Variants in RBFOX1 observed in about 807,000 individuals in gnomAD.
RBFOX1 encodes RNA binding fox-1 homolog 1.
In RBFOX1, 8 loss-of-function variants were observed where a neutral mutation model predicts 57.7. The observed-to-expected ratio is 0.14, with a 90% CI of 0.08 to 0.25. The LOEUF is 0.25. RBFOX1 is among the 10% of genes least tolerant of loss of function. RBFOX1 has a pLI of 1.00. For missense variants in RBFOX1, 611 were observed against 548.5 expected, an observed-to-expected ratio of 1.11 and a Z score of -1.14; for synonymous variants, 326 against 222.4, an observed-to-expected ratio of 1.47 and a Z score of -4.15.
At chr16:7,559,755 C>A (rs2089856081) in intron 5 of RBFOX1, among the ~76,000 whole-genome samples, 1 of 152,226 alleles carries the variant, frequency 6.6e-6, no homozygotes, top group South Asian at 2.1e-4. Flanking sequence ...TTCATCTACC[C>A]TCCTTAGTCT....
intron 4 of RBFOX1, among the ~76,000 whole-genome samples, chr16:7,118,199 C>G (rs953182378): frequency 2.0e-5 from 3 of 152,120 alleles, no homozygotes; most frequent in Admixed American, 1.3e-4. Context: ...AATTTACATT[C>G]CCACCAGCAG....
At chr16:6,813,250 T>C (rs1161406101) in intron 3 of RBFOX1, among the ~76,000 whole-genome samples, 1 of 152,182 alleles carries the variant, frequency 6.6e-6, no homozygotes, top group South Asian at 2.1e-4. Flanking sequence ...GTTCCCCAGA[T>C]AGTATTCCAG....
intron 1 of RBFOX1, among the ~76,000 whole-genome samples, chr16:5,311,475 T>A (rs2064087924): frequency 6.6e-6 from 1 of 152,210 alleles, no homozygotes; most frequent in African/African-American, 2.4e-5. Flanking sequence ...GATATCTCCA[T>A]ACTGTTTTCC....
At chr16:7,513,981 C>T (rs750237166) in intron 4 of RBFOX1, among the ~76,000 whole-genome samples, 3 of 152,166 alleles carry the variant, frequency 2.0e-5, no homozygotes, top group African/African-American at 7.2e-5. Flanking sequence ...AGTATACAGG[C>T]CCTTTCTCTC....
Position 5,425,881 on chromosome 16 carries a change from A to G in RBFOX1, c.220-41335A>G, listed in dbSNP as rs371788382. On this transcript the variant is annotated intron_variant, in intron 1 of 2. Transcript: ENST00000585867. ...GCTTTCTGCTCCTGGTAGAACCCCAAACGTCAAATCCTATGTCTGCAGCGG... is the reference window on the plus strand; with the variant it reads ...GCTTTCTGCTCCTGGTAGAACCCCAGACGTCAAATCCTATGTCTGCAGCGG... 8.5e-5 allele frequency among the ~76,000 whole-genome samples: 13 copies of G among 152,248 alleles called. No individual in the cohort carries two copies. The East Asian group carries it at 2.3e-3, about 27-fold the overall frequency.
In RBFOX1 at chr16:5,591,016, AT is replaced by A. The variant is rs79854783; in HGVS notation, c.259-7871del. 7.5e-3 allele frequency among the ~76,000 whole-genome samples: 1,056 copies of A among 140,724 alleles called. 4 individuals are homozygous for A. The highest frequency in any genetic ancestry group is 0.016 in the East Asian group (77 of 4,908). The allele number at this position is 140,724 out of a possible 152,430, so 92.3% of individuals were successfully genotyped here. A position where few individuals can be genotyped will look rare whatever the true frequency, so the allele number is the denominator to read the frequency against. On this transcript the variant is annotated intron_variant, in intron 2 of 2. Coordinates refer to the RBFOX1 transcript ENST00000585867. ...ATTTAGCATGTGATGTGAGCTAAAC[AT>A]TTTTTTTTTTTTTTCGGAAAATGGC...
intron 4 of RBFOX1, among the ~76,000 whole-genome samples, chr16:5,954,021 G>A (rs145604810): frequency 3.1e-4 from 47 of 152,242 alleles, no homozygotes; most frequent in African/African-American, 1.0e-3. Flanking sequence ...ACTGGGTGGC[G>A]AGTGCCATCA....
intron 2 of RBFOX1, among the ~76,000 whole-genome samples, chr16:6,622,553 C>G (rs2098248486): frequency 6.6e-6 from 1 of 152,066 alleles, no homozygotes; most frequent in Non-Finnish European, 1.5e-5. Flanking sequence ...ATGAAATCAC[C>G]TAACGATGCA....
intron 3 of RBFOX1, among the ~76,000 whole-genome samples, chr16:6,874,837 A>C (rs1489048115): frequency 6.6e-6 from 1 of 152,210 alleles, no homozygotes; most frequent in African/African-American, 2.4e-5. Context: ...TGGGTGCATC[A>C]AAATCTCAGA....
intron 3 of RBFOX1, among the ~76,000 whole-genome samples, chr16:6,743,734 A>G (rs559460689): frequency 2.2e-4 from 34 of 151,938 alleles, no homozygotes; most frequent in Non-Finnish European, 3.4e-4. Flanking sequence ...CACTGCACTC[A>G]GGGCAAAGCA....
At chr16:5,275,960 G>A (rs1298015688) in intron 1 of RBFOX1, among the ~76,000 whole-genome samples, 4 of 152,220 alleles carry the variant, frequency 2.6e-5, no homozygotes, top group Non-Finnish European at 4.4e-5. Flanking sequence ...AACAAATAGT[G>A]CTGGGATAAT....
intron 1 of RBFOX1, among the ~76,000 whole-genome samples, chr16:5,322,261 C>T (rs1317572770): frequency 1.3e-5 from 2 of 152,078 alleles, no homozygotes; most frequent in African/African-American, 4.8e-5. Context: ...TTAAGTAAGC[C>T]CAAGGGTAGA....
intron 1 of RBFOX1, among the ~76,000 whole-genome samples, chr16:5,278,103 C>G (rs1230428410): frequency 6.6e-6 from 1 of 152,114 alleles, no homozygotes; most frequent in Non-Finnish European, 1.5e-5. Context: ...AATGGCTGTA[C>G]TAATTTACAT....
intron 4 of RBFOX1, among the ~76,000 whole-genome samples, chr16:5,925,528 T>A (rs1373369784): frequency 6.6e-6 from 1 of 152,182 alleles, no homozygotes; most frequent in Non-Finnish European, 1.5e-5. Flanking sequence ...TGAACATGAT[T>A]AGTGGTTGAA....
At chr16:5,933,365 G>T (rs568094626) in intron 4 of RBFOX1, among the ~76,000 whole-genome samples, 60 of 152,286 alleles carry the variant, frequency 3.9e-4, no homozygotes, top group South Asian at 3.7e-3. Context: ...GGGCAGTGGG[G>T]GAGTGTTCGT....
At chr16:6,645,034 G>A (rs1020456491) in intron 2 of RBFOX1, among the ~76,000 whole-genome samples, 1 of 152,146 alleles carries the variant, frequency 6.6e-6, no homozygotes, top group African/African-American at 2.4e-5. Flanking sequence ...GTGTGAGCAG[G>A]ACGGCTCTCC....
At chr16:5,446,494 A>G (rs1046653021) in intron 1 of RBFOX1, among the ~76,000 whole-genome samples, 28 of 152,072 alleles carry the variant, frequency 1.8e-4, no homozygotes, top group African/African-American at 6.8e-4. Context: ...TTGTCTCCCT[A>G]AATGGTCCTC....
At chr16:5,660,574 G>T (rs947264134) in intron 3 of RBFOX1, among the ~76,000 whole-genome samples, 1 of 152,108 alleles carries the variant, frequency 6.6e-6, no homozygotes, top group African/African-American at 2.4e-5. Flanking sequence ...TCATCTCTTG[G>T]GAAGATAGGG....
At chr16:6,629,077 A>C (rs1485412401) in intron 2 of RBFOX1, among the ~76,000 whole-genome samples, 1 of 152,194 alleles carries the variant, frequency 6.6e-6, no homozygotes, top group African/African-American at 2.4e-5. Flanking sequence ...GATTCCATGA[A>C]CAGTTTAAAT....
Sources: gnomAD v4.1 joint callset for allele counts (sites outside exome capture counted in the v4.1 genomes callset) on GRCh38, gnomAD v4.1.1 for gene constraint, MANE v1.5 for transcripts, NCBI Gene and HGNC (gene_info 2026-07-23, HGNC 2026-07-21) for gene names.